Variants in GOLGA8A observed in about 807,000 individuals in gnomAD.
GOLGA8A encodes golgin A8 family member A.
GOLGA8A carries 3 observed loss-of-function variants against 22.1 expected under a neutral mutation model. The ratio of observed to expected loss-of-function variants is 0.14; its 90% CI spans 0.06 to 0.35. The LOEUF (loss-of-function observed/expected upper bound fraction) is 0.35, where lower values mean the gene tolerates loss of function less well. Among genes scored for constraint, GOLGA8A ranks in the 10% least tolerant of loss-of-function variants. The pLI is 1.00. For synonymous variants in GOLGA8A, 7 were observed against 91.7 expected (o/e 0.08, Z 5.28); for missense variants, 16 against 233.2 (o/e 0.07, Z 6.07).
intron 2 of GOLGA8A, among the ~76,000 whole-genome samples, chr15:34,429,727 C>G (rs76604744): frequency 0.06 from 8,495 of 140,814 alleles, 614 homozygotes; most frequent in South Asian, 0.17. Context: ...GAGTACACGG[C>G]TGGATAGATG....
chr15:34,424,677 C>T (rs1457244795), intron 2 of GOLGA8A, among the ~76,000 whole-genome samples: 1 of 127,164 alleles, frequency 7.9e-6, no homozygotes, highest in Admixed American at 8.6e-5. Flanking sequence ...TTACATAAAT[C>T]AAAATCTGGA....
At position 34,429,761 on chromosome 15, in the gene GOLGA8A, T is replaced by C. The variant is rs1165346453; in HGVS notation, c.-1123+5622A>G. ...TGGACAGTGCTCCAGGCAAAGGGAC[T>C]CGGGGGTAAGAAAAGTGAAGGGTAC... On this transcript the variant is annotated intron_variant, in intron 2 of 24. Coordinates refer to ENST00000359187, the MANE Select transcript of GOLGA8A (RefSeq NM_181077.5). 1.4e-5 allele frequency among the ~76,000 whole-genome samples: 2 copies of C among 146,904 alleles called. 1 individual carries two copies. Among genetic ancestry groups the C allele is most frequent in the Non-Finnish European group, 3.0e-5 (2 of 66,354 alleles).
At chr15:34,401,038 C>T (rs1323380182) in intron 5 of GOLGA8A, among the ~76,000 whole-genome samples, 5 of 72,414 alleles carry the variant, frequency 6.9e-5, no homozygotes, top group Admixed American at 1.4e-4. Context: ...TAGATTCCAT[C>T]GTTATTCCTT....
chr15:34,424,465 C>T (rs1271736005), intron 2 of GOLGA8A, among the ~76,000 whole-genome samples: 1 of 144,260 alleles, frequency 6.9e-6, no homozygotes, highest in Non-Finnish European at 1.5e-5. Context: ...AAACCATTTA[C>T]ATCACCAGAG....
At chr15:34,399,038 G>A (rs1595643610) in intron 7 of GOLGA8A, 117 bp downstream of exon 7, 1 of 107,734 alleles carries the variant, frequency 9.3e-6, no homozygotes, top group South Asian at 3.0e-4. Context: ...GAAAGTAGGA[G>A]CTATGAAAAA....
intron 2 of GOLGA8A, among the ~76,000 whole-genome samples, chr15:34,429,992 G>A (rs1176513493): frequency 6.8e-6 from 1 of 147,918 alleles, no homozygotes; most frequent in Non-Finnish European, 1.5e-5. Context: ...AATGCTGCCA[G>A]TCCAGGGGTC....
chr15:34,381,656 G>GC (rs756912860), intron 24 of GOLGA8A, 43 bp from the exon 25 acceptor site: 26 of 1,341,568 alleles, frequency 1.9e-5, no homozygotes, highest in African/African-American at 1.4e-4. Context: ...AGTGCTAGCC[G>GC]CCCCCCGCTC....
At chr15:34,400,870 G>A (rs2140233512) in intron 5 of GOLGA8A, 111 bp from the exon 6 acceptor site, 1 of 125,192 alleles carries the variant, frequency 8.0e-6, no homozygotes, top group African/African-American at 2.7e-5. Context: ...TAAGTACGAA[G>A]CTTTTAGAAA....
rs4984228 is a variant in GOLGA8A, at chr15:34,379,077, A to G, written c.*2334T>C. 0.12 allele frequency: 18,179 copies of G among 152,636 alleles called. 1,341 individuals are homozygous for G. The highest frequency in any genetic ancestry group is 0.16 in the Non-Finnish European group (10,703 of 68,010). The allele number at this position is 152,636 out of a possible 1,614,324, so 9.5% of individuals were successfully genotyped here. A position where few individuals can be genotyped will look rare whatever the true frequency, so the allele number is the denominator to read the frequency against. ...AAGGCAAAAACAGCACTTTGCAACA[A>G]TTTAAAAATTTATTGCATTACAGTA... On this transcript the variant is annotated 3_prime_UTR_variant, in exon 25 of 25. Transcript: ENST00000359187.
intron 2 of GOLGA8A, chr15:34,420,176 A>G (rs1366875430): frequency 1.1e-4 from 16 of 146,960 alleles, no homozygotes; most frequent in Admixed American, 1.0e-3. Context: ...AGATGCCAGG[A>G]GAGCGGTGTC....
intron 1 of GOLGA8A, among the ~76,000 whole-genome samples, chr15:34,436,955 C>T (rs1296509304): frequency 6.7e-6 from 1 of 149,580 alleles, no homozygotes; most frequent in African/African-American, 2.5e-5. Flanking sequence ...AGAGGCGATC[C>T]CAAACTCAGT....
rs1891456567 is a variant in GOLGA8A, at chr15:34,380,948, G to A, written c.*463C>T. 3 of 315,320 alleles carry A rather than the reference G, an allele frequency of 9.5e-6. No homozygotes were observed. The highest frequency in any genetic ancestry group is 1.8e-5 in the Non-Finnish European group (3 of 164,052). The allele number at this position is 315,320 out of a possible 1,614,324, so 19.5% of individuals were successfully genotyped here. ...CACTTGAGGGCAAACCGCATATTGA[G>A]CTATAGAAGAGCTCACTGTGATTAA... is the stretch of plus-strand genomic sequence containing the variant. On this transcript the variant is annotated 3_prime_UTR_variant, in exon 25 of 25. Transcript: ENST00000359187.
intron 2 of GOLGA8A, among the ~76,000 whole-genome samples, chr15:34,424,084 T>C (rs78677174): frequency 0.16 from 18,050 of 110,432 alleles, 1,337 homozygotes; most frequent in South Asian, 0.3. Flanking sequence ...CATGGGTGAG[T>C]ACCCATGTGA....
chr15:34,434,699 C>T (rs975880266), intron 2 of GOLGA8A, among the ~76,000 whole-genome samples: 2 of 149,356 alleles, frequency 1.3e-5, no homozygotes, highest in African/African-American at 4.9e-5. Flanking sequence ...CACCCCCAGC[C>T]CCCGATGGGC....
In GOLGA8A at chr15:34,380,941, A is replaced by C; in HGVS notation, c.*470T>G. ...CAGTGCACACTTGAGGGCAAACCGC[A>C]TATTGAGCTATAGAAGAGCTCACTG... On this transcript the variant is annotated 3_prime_UTR_variant, in exon 25 of 25. Transcript: ENST00000359187. The C allele has an allele frequency of 3.2e-6, 1 of 309,742 alleles. No individual in the cohort carries two copies. Among genetic ancestry groups the C allele is most frequent in the Non-Finnish European group, 6.2e-6 (1 of 160,994 alleles). 19.2% of individuals were successfully genotyped at this position (309,742 alleles called of 1,614,324 possible). A position where few individuals can be genotyped will look rare whatever the true frequency, so the allele number is the denominator to read the frequency against.
rs557058546 is a variant in GOLGA8A, at chr15:34,429,575, T to C, written c.-1123+5808A>G. ...CAGACTGTGCCTCTCTAGGAGGGCC[T>C]TGGACCCAGAGCCAGAATGGGGCTC... On this transcript the variant is annotated intron_variant, in intron 2 of 24. Transcript: ENST00000359187. Among the ~76,000 whole-genome samples, 3 of 149,162 alleles carry C rather than the reference T, an allele frequency of 2.0e-5. 1 individual carries two copies. The South Asian group carries it at 6.5e-4, about 32-fold the overall frequency.
chr15:34,433,304 G>A (rs1174276443), intron 2 of GOLGA8A, among the ~76,000 whole-genome samples: 1 of 149,076 alleles, frequency 6.7e-6, no homozygotes, highest in Non-Finnish European at 1.5e-5. Context: ...GGGAATCTGG[G>A]CGTGGGGGTG....
At position 34,429,015 on chromosome 15, in the gene GOLGA8A, C is replaced by G. The variant is rs2140285776; in HGVS notation, c.-1123+6368G>C. 1.3e-5 allele frequency: 2 copies of G among 148,626 alleles called. 1 individual carries two copies. The highest frequency in any genetic ancestry group is 4.3e-4 in the South Asian group (2 of 4,600). The allele number at this position is 148,626 out of a possible 1,614,324, so 9.2% of individuals were successfully genotyped here. On this transcript the variant is annotated intron_variant, in intron 2 of 24. Coordinates refer to ENST00000359187, the MANE Select transcript of GOLGA8A (RefSeq NM_181077.5). ...AGTGGGGAGTGGGCTCCAGAGCCTCCCCGTGATGCTGGCAGTGCCTCGGCC... is the reference window on the plus strand; with the variant it reads ...AGTGGGGAGTGGGCTCCAGAGCCTCGCCGTGATGCTGGCAGTGCCTCGGCC...
chr15:34,400,866 C>G (rs1228205999), intron 5 of GOLGA8A, 107 bp from the exon 6 acceptor site: 1 of 127,830 alleles, frequency 7.8e-6, no homozygotes, highest in African/African-American at 2.7e-5. Flanking sequence ...AAGCTAAGTA[C>G]GAAGCTTTTA....
Sources: gnomAD v4.1 joint callset for allele counts (sites outside exome capture counted in the v4.1 genomes callset) on GRCh38, gnomAD v4.1.1 for gene constraint, MANE v1.5 for transcripts, NCBI Gene and HGNC (gene_info 2026-07-23, HGNC 2026-07-21) for gene names.